The following MAP6 variants were observed in gnomAD, a reference collection of about 807,000 sequenced individuals.
MAP6 encodes the protein microtubule associated protein 6, also known as microtubule-associated protein 6.
Under a neutral mutation model 42.4 loss-of-function variants are expected in MAP6, and 26 were observed. The ratio of observed to expected loss-of-function variants is 0.61; its 90% CI spans 0.45 to 0.85. The LOEUF is 0.85. Ranked by LOEUF, MAP6 falls within the 40% of genes least tolerant of loss-of-function variation. The pLI is 0.00. For missense variants in MAP6, 966 were observed against 1,099.0 expected, an observed-to-expected ratio of 0.88 and a Z score of 1.71; for synonymous variants, 418 against 443.8, an observed-to-expected ratio of 0.94 and a Z score of 0.73.
At chr11:75,612,108 A>G (rs1247620457) in intron 1 of MAP6, among the ~76,000 whole-genome samples, 3 of 152,226 alleles carry the variant, frequency 2.0e-5, no homozygotes, top group Non-Finnish European at 2.9e-5. Context: ...TCCAGCCCTG[A>G]GATGCTAGAC....
chr11:75,636,152 A>T (rs1466801092), intron 1 of MAP6: 5 of 152,230 alleles, frequency 3.3e-5, no homozygotes, highest in Non-Finnish European at 7.3e-5. Context: ...GATGGTGCAC[A>T]TGAGAGAAAC....
Position 75,586,942 on chromosome 11 carries a change from A to T in MAP6, c.*117T>A. 8.7e-7 allele frequency: 1 copy of T among 1,154,986 alleles called. No individual in the cohort carries two copies. Among genetic ancestry groups the T allele is most frequent in the Non-Finnish European group, 1.2e-6 (1 of 823,102 alleles). The allele number at this position is 1,154,986 out of a possible 1,614,324, so 71.5% of individuals were successfully genotyped here. On this transcript the variant is annotated 3_prime_UTR_variant, in exon 4 of 4. Transcript: ENST00000304771. ...CTGAGCCAGAGGGACCATTTTTATT[A>T]GATTCCAGCAAGACTACTGTACATG...
At position 75,666,115 on chromosome 11, in the gene MAP6, G is replaced by A. The variant is rs141747086; in HGVS notation, c.905+1350C>T. Among the ~76,000 whole-genome samples the A allele has an allele frequency of 5.9e-3, 901 of 152,212 alleles. 10 individuals carry two copies. Among genetic ancestry groups the A allele is most frequent in the African/African-American group, 0.02 (827 of 41,536 alleles). On this transcript the variant is annotated intron_variant, in intron 1 of 3. Transcript: ENST00000304771. ...CCCCCACACCCTCTTGCAGGAAGGA[G>A]GCAGCAGAAAGCTGTGGCATTGATA...
At chr11:75,604,418 T>C (rs1942720178) in intron 3 of MAP6, 2 of 985,340 alleles carry the variant, frequency 2.0e-6, no homozygotes, top group South Asian at 4.7e-5. Context: ...CCTTTCATTG[T>C]AAAAGAAGAG....
chr11:75,662,733 G>A (rs1259666634), intron 1 of MAP6, among the ~76,000 whole-genome samples: 1 of 152,156 alleles, frequency 6.6e-6, no homozygotes, highest in African/African-American at 2.4e-5. Context: ...ACTTGAAGTA[G>A]TTTTTAAAAA....
intron 1 of MAP6, among the ~76,000 whole-genome samples, chr11:75,666,033 T>C (rs992299881): frequency 2.0e-5 from 3 of 152,180 alleles, no homozygotes; most frequent in Non-Finnish European, 2.9e-5. Flanking sequence ...GAGAAGGATA[T>C]TAGTCTAACC....
At chr11:75,640,799 A>C (rs1334700559) in intron 1 of MAP6, among the ~76,000 whole-genome samples, 1 of 152,200 alleles carries the variant, frequency 6.6e-6, no homozygotes, top group African/African-American at 2.4e-5. Context: ...ATCTCACACC[A>C]GTTAGAATGG....
Position 75,590,882 on chromosome 11 carries a change from G to A in MAP6, c.1317-2698C>T, listed in dbSNP as rs1414029760. On this transcript the variant is annotated intron_variant, in intron 3 of 3. Coordinates refer to ENST00000304771, the MANE Select transcript of MAP6 (RefSeq NM_033063.2). The stretch of plus-strand genomic sequence containing the variant: ...CTCAGGAGGTTGAGGTGGGAGAATC[G>A]TTTTAGCCCAGGAGGTGGAGGTGGC... Among the ~76,000 whole-genome samples the A allele has an allele frequency of 3.3e-5, 5 of 151,942 alleles. No individual in the cohort carries two copies. The South Asian group carries it at 8.3e-4, about 25-fold the overall frequency.
intron 3 of MAP6, among the ~76,000 whole-genome samples, chr11:75,588,867 G>C (rs554373740): frequency 1.3e-5 from 2 of 152,282 alleles, no homozygotes; most frequent in African/African-American, 4.8e-5. Flanking sequence ...TGTTTTTGTA[G>C]AGACGGGGCC....
At chr11:75,590,738 G>A (rs1189608677) in intron 3 of MAP6, among the ~76,000 whole-genome samples, 2 of 152,002 alleles carry the variant, frequency 1.3e-5, no homozygotes, top group African/African-American at 2.4e-5. Context: ...AGGCCGAGGC[G>A]GGCAGATCAC....
At chr11:75,652,971 C>T (rs1464764192) in intron 1 of MAP6, among the ~76,000 whole-genome samples, 4 of 152,172 alleles carry the variant, frequency 2.6e-5, no homozygotes, top group Non-Finnish European at 5.9e-5. Flanking sequence ...ACTGCCATCC[C>T]TACTCCTTTT....
At chr11:75,649,410 TG>T (rs1352054886) in intron 1 of MAP6, among the ~76,000 whole-genome samples, 1 of 151,950 alleles carries the variant, frequency 6.6e-6, no homozygotes, top group African/African-American at 2.4e-5. Flanking sequence ...TTTATAACAG[TG>T]ATGACTGCCC....
intron 1 of MAP6, among the ~76,000 whole-genome samples, chr11:75,609,125 C>A (rs1942838564): frequency 6.6e-6 from 1 of 152,184 alleles, no homozygotes; most frequent in Non-Finnish European, 1.5e-5. Context: ...TTGTTCTCTG[C>A]AATCCATCTC....
intron 1 of MAP6, among the ~76,000 whole-genome samples, chr11:75,647,544 C>A (rs1385354857): frequency 2.0e-5 from 3 of 151,934 alleles, no homozygotes; most frequent in Admixed American, 2.0e-4. Flanking sequence ...TTCCTACATA[C>A]CGCAACAACC....
At chr11:75,645,858 A>C (rs1943545614) in intron 1 of MAP6, among the ~76,000 whole-genome samples, 1 of 152,114 alleles carries the variant, frequency 6.6e-6, no homozygotes, top group Non-Finnish European at 1.5e-5. Flanking sequence ...AATGAAGCAC[A>C]AATAGATAAG....
At chr11:75,595,478 G>A (rs1942562315) in intron 3 of MAP6, among the ~76,000 whole-genome samples, 1 of 152,092 alleles carries the variant, frequency 6.6e-6, no homozygotes, top group Non-Finnish European at 1.5e-5. Context: ...CTGTCCCTTG[G>A]ACAGTGTAAC....
Position 75,667,152 on chromosome 11 carries a change from C to T in MAP6, c.905+313G>A, listed in dbSNP as rs1280149909. Among the ~76,000 whole-genome samples the T allele has an allele frequency of 6.6e-6, 1 of 152,114 alleles. No homozygotes were observed. The highest frequency in any genetic ancestry group is 1.5e-5 in the Non-Finnish European group (1 of 68,014). On this transcript the variant is annotated intron_variant, in intron 1 of 3. Coordinates refer to ENST00000304771, the MANE Select transcript of MAP6 (RefSeq NM_033063.2). The surrounding 1 kb of genome is among the most constrained non-coding windows in gnomAD (Gnocchi z 5.6). ...GATGGGGGCACGACGGAAGCACAGC[C>T]TCTGCTGACATTGCAAAGGGTCTCT...
intron 1 of MAP6, among the ~76,000 whole-genome samples, chr11:75,647,347 CAAAAAAAAAA>C: frequency 1.6e-4 from 7 of 44,186 alleles, no homozygotes; most frequent in Non-Finnish European, 2.2e-4. Flanking sequence ...CCCACCTGAT[CAAAAAAAAAA>C]AAAAAAAAAA....
intron 1 of MAP6, among the ~76,000 whole-genome samples, chr11:75,620,838 A>C (rs887003062): frequency 6.6e-6 from 1 of 152,236 alleles, no homozygotes; most frequent in Non-Finnish European, 1.5e-5. Context: ...TCTTAGAAAA[A>C]GCATGTGACA....
Sources: allele counts gnomAD v4.1 joint callset (sites outside exome capture counted in the v4.1 genomes callset), GRCh38; gene constraint gnomAD v4.1.1; non-coding constraint Gnocchi (gnomAD v3.1); transcripts MANE v1.5; gene names NCBI Gene and HGNC (gene_info 2026-07-23, HGNC 2026-07-21).